Variants in NANOG observed in about 807,000 individuals in gnomAD.
NANOG encodes Nanog homeobox, also known as homeobox protein NANOG.
NANOG carries 2 observed loss-of-function variants against 17.7 expected under a neutral mutation model. The ratio of observed to expected loss-of-function variants is 0.11; its 90% CI spans 0.05 to 0.36. NANOG has a LOEUF of 0.36. Among genes scored for constraint, NANOG ranks in the 10% least tolerant of loss-of-function variants. The pLI is 1.00. For missense variants in NANOG, 174 were observed against 362.1 expected (o/e 0.48, Z 4.22); for synonymous variants, 81 against 124.7 (o/e 0.65, Z 2.33).
intron 2 of NANOG, 33 bp from the exon 3 acceptor site, chr12:7,794,424 A>T: frequency 6.3e-7 from 1 of 1,576,988 alleles, no homozygotes; most frequent in East Asian, 2.2e-5. Flanking sequence ...TGTATTATGA[A>T]TATTTTACAA....
chr12:7,793,370 CCT>C (rs149866120), intron 2 of NANOG, among the ~76,000 whole-genome samples, 158 bp downstream of exon 2: 4,824 of 152,208 alleles, frequency 0.032, 179 homozygotes, highest in East Asian at 0.099. Flanking sequence ...ACTTCCTTCA[CCT>C]CTTTCTTTCC....
At chr12:7,792,382 G>A (rs1268270775) in intron 1 of NANOG, among the ~76,000 whole-genome samples, 1 of 152,148 alleles carries the variant, frequency 6.6e-6, no homozygotes, top group East Asian at 1.9e-4. Flanking sequence ...AGGTGGTAGC[G>A]CCGGCCTGAT....
chr12:7,790,466 T>TG (rs966992312), intron 1 of NANOG, among the ~76,000 whole-genome samples: 2 of 152,142 alleles, frequency 1.3e-5, no homozygotes, highest in African/African-American at 4.8e-5. Context: ...CTTCAAAACC[T>TG]GTGCTAGTAC....
At chr12:7,792,524 C>T (rs1311827301) in intron 1 of NANOG, among the ~76,000 whole-genome samples, 5 of 152,092 alleles carry the variant, frequency 3.3e-5, no homozygotes, top group Admixed American at 6.6e-5. Context: ...ATTAGCCAGG[C>T]GTGATGGTGC....
chr12:7,791,530 G>C (rs1862840746), intron 1 of NANOG, among the ~76,000 whole-genome samples: 1 of 152,154 alleles, frequency 6.6e-6, no homozygotes, highest in Admixed American at 6.6e-5. Flanking sequence ...TTAGTTGAAA[G>C]GCTTCCTCTG....
At position 7,796,777 on chromosome 12, in the gene NANOG, T is replaced by G; in HGVS notation, c.*1682T>G. On this transcript the variant is annotated 3_prime_UTR_variant, in exon 4 of 4. Transcript: ENST00000229307. ...TTTTTTTTTTGTTTTATTTTGTTTTTTTTTAAGACTGGAGTCTTACTCTGT... is the reference window on the plus strand; with the variant it reads ...TTTTTTTTTTGTTTTATTTTGTTTTGTTTTAAGACTGGAGTCTTACTCTGT... 1 of 83,922 alleles carries G rather than the reference T, an allele frequency of 1.2e-5. No individual in the cohort carries two copies. Among genetic ancestry groups the G allele is most frequent in the South Asian group, 4.6e-4 (1 of 2,158 alleles). 5.2% of individuals were successfully genotyped at this position (83,922 alleles called of 1,614,324 possible).
At position 7,798,896 on chromosome 12, in the gene NANOG, C is replaced by A; in HGVS notation, c.*3801C>A. ...CCTGGGGCCCCCATGGGCTTTGACT[C>A]AAGGGGGAGATGAAGGGAATTTGTT... On this transcript the variant is annotated 3_prime_UTR_variant, in exon 4 of 4. Transcript: ENST00000229307. 6.8e-6 allele frequency: 1 copy of A among 146,654 alleles called. No homozygotes were observed. Among genetic ancestry groups the A allele is most frequent in the Non-Finnish European group, 1.5e-5 (1 of 67,002 alleles). 9.1% of individuals were successfully genotyped at this position (146,654 alleles called of 1,614,324 possible). A position where few individuals can be genotyped will look rare whatever the true frequency, so the allele number is the denominator to read the frequency against.
intron 1 of NANOG, among the ~76,000 whole-genome samples, chr12:7,790,164 C>T (rs911443975): frequency 1.2e-4 from 17 of 142,162 alleles, no homozygotes; most frequent in Admixed American, 2.2e-4. Context: ...GAAGACCTAA[C>T]GTCATAGCTC....
Position 7,794,789 on chromosome 12 carries a change from A to G in NANOG, c.612A>G (p.Ser204=), listed in dbSNP as rs1424031960. 1 of 1,551,258 alleles carries G rather than the reference A, an allele frequency of 6.4e-7. No homozygotes were observed. Among genetic ancestry groups the G allele is most frequent in the Non-Finnish European group, 8.7e-7 (1 of 1,144,236 alleles). ...GGAGCAACCAGACCTGGAACAATTC[A>G]ACCTGGAGCAACCAGACCCAGAACA... The part of the protein sequence containing the change: ...PMWSNQTWNN[S]TWSNQTQNIQ... Residue 204 remains serine, a synonymous_variant, in exon 4 of 4, where the codon TCA becomes TCG. Coordinates refer to ENST00000229307, the MANE Select transcript of NANOG (RefSeq NM_024865.4).
Position 7,793,215 on chromosome 12 carries a change from A to G in NANOG, c.414+3A>G. ...TCCTGAACCTCAGCTACAAACAGGT[A>G]GGCTTGTTTTGTCCTTGGAATAAGG... On this transcript the variant is annotated splice_donor_region_variant and intron_variant, in intron 2 of 3. Coordinates refer to ENST00000229307, the MANE Select transcript of NANOG (RefSeq NM_024865.4). 1.9e-6 allele frequency: 3 copies of G among 1,613,756 alleles called. No individual in the cohort carries two copies. Among genetic ancestry groups the G allele is most frequent in the South Asian group, 1.1e-5 (1 of 91,018 alleles).
At chr12:7,789,961 T>C (rs1260187107) in intron 1 of NANOG, among the ~76,000 whole-genome samples, 196 bp downstream of exon 1, 1 of 152,126 alleles carries the variant, frequency 6.6e-6, no homozygotes, top group African/African-American at 2.4e-5. Flanking sequence ...ATGTCCCAGG[T>C]CTCAGGAGTG....
chr12:7,798,110 C>T lies in NANOG; in HGVS notation c.*3015C>T, dbSNP rs1257367198. On this transcript the variant is annotated 3_prime_UTR_variant, in exon 4 of 4. Coordinates refer to ENST00000229307, the MANE Select transcript of NANOG (RefSeq NM_024865.4). Reference sequence around the variant, plus strand: ...AAGATTAGTGGGCCAGGTGCCGTGGCTCACACCTGTAATCCCAGCACTTCG... The same window carrying T: ...AAGATTAGTGGGCCAGGTGCCGTGGTTCACACCTGTAATCCCAGCACTTCG... 6.6e-6 allele frequency: 1 copy of T among 152,174 alleles called. No homozygotes were observed. Among genetic ancestry groups the T allele is most frequent in the Non-Finnish European group, 1.5e-5 (1 of 68,044 alleles). 9.4% of individuals were successfully genotyped at this position (152,174 alleles called of 1,614,324 possible).
chr12:7,790,146 A>C (rs1432768293), intron 1 of NANOG, among the ~76,000 whole-genome samples: 4 of 151,730 alleles, frequency 2.6e-5, no homozygotes, highest in Non-Finnish European at 2.9e-5. Flanking sequence ...TTTATTGCTA[A>C]TTAGCCAGAA....
chr12:7,789,942 C>T (rs1467566512), intron 1 of NANOG, among the ~76,000 whole-genome samples, 177 bp downstream of exon 1: 1 of 152,150 alleles, frequency 6.6e-6, no homozygotes, highest in Admixed American at 6.5e-5. Flanking sequence ...GGCACCTGCC[C>T]TTTGAACTAT....
chr12:7,794,336 G>A (rs1456307924), intron 2 of NANOG, 121 bp from the exon 3 acceptor site: 10 of 919,410 alleles, frequency 1.1e-5, no homozygotes, highest in Admixed American at 7.2e-5. Context: ...GCCTTCCAAA[G>A]TGTTGGGATT....
In NANOG at chr12:7,793,064, A is replaced by G; in HGVS notation, c.266A>G (p.Asp89Gly). 6.2e-7 allele frequency: 1 copy of G among 1,610,028 alleles called. No homozygotes were observed. The highest frequency in any genetic ancestry group is 1.1e-5 in the South Asian group (1 of 90,970). Residue 89 changes from aspartate to glycine, a missense_variant, in exon 2 of 4, where the codon GAC becomes GGC. Transcript: ENST00000229307. ...GAGAAGAGTGTCGCAAAAAAGGAAG[A>G]CAAGGTCCCGGTCAAGAAACAGAAG... ...SAEKSVAKKEDKVPVKKQKTR... is the reference protein window; with the variant it reads ...SAEKSVAKKEGKVPVKKQKTR...
At position 7,798,121 on chromosome 12, in the gene NANOG, A is replaced by G. The variant is rs1279193232; in HGVS notation, c.*3026A>G. ...GCCAGGTGCCGTGGCTCACACCTGTAATCCCAGCACTTCGGGAGACCAAGG... is the reference window on the plus strand; with the variant it reads ...GCCAGGTGCCGTGGCTCACACCTGTGATCCCAGCACTTCGGGAGACCAAGG... On this transcript the variant is annotated 3_prime_UTR_variant, in exon 4 of 4. Coordinates refer to ENST00000229307, the MANE Select transcript of NANOG (RefSeq NM_024865.4). The G allele has an allele frequency of 6.6e-6, 1 of 152,250 alleles. No homozygotes were observed. Among genetic ancestry groups the G allele is most frequent in the Non-Finnish European group, 1.5e-5 (1 of 68,070 alleles). The allele number at this position is 152,250 out of a possible 1,614,324, so 9.4% of individuals were successfully genotyped here. A position where few individuals can be genotyped will look rare whatever the true frequency, so the allele number is the denominator to read the frequency against.
chr12:7,791,883 G>A (rs1176472402), intron 1 of NANOG, among the ~76,000 whole-genome samples: 5 of 152,092 alleles, frequency 3.3e-5, no homozygotes, highest in African/African-American at 4.8e-5. Context: ...TGAGAACTGG[G>A]CAGTCAGTTG....
rs1862955516 is a variant in NANOG at position 7,798,235 on chromosome 12, G to C, written c.*3140G>C. On this transcript the variant is annotated 3_prime_UTR_variant, in exon 4 of 4. Coordinates refer to ENST00000229307, the MANE Select transcript of NANOG (RefSeq NM_024865.4). ...CTACTAAAAATACAGAAATTTGCCA[G>C]AGGTCTTGGTTTGCGCCTGTAATCT... The C allele has an allele frequency of 6.6e-6, 1 of 152,192 alleles. No individual in the cohort carries two copies. The highest frequency in any genetic ancestry group is 2.4e-5 in the African/African-American group (1 of 41,442). 9.4% of individuals were successfully genotyped at this position (152,192 alleles called of 1,614,324 possible). A position where few individuals can be genotyped will look rare whatever the true frequency, so the allele number is the denominator to read the frequency against.
Sources: allele counts gnomAD v4.1 joint callset (sites outside exome capture counted in the v4.1 genomes callset), GRCh38; gene constraint gnomAD v4.1.1; transcripts MANE v1.5; gene names NCBI Gene and HGNC (gene_info 2026-07-23, HGNC 2026-07-21).